The following SGMS1 variants were observed in gnomAD, a reference collection of about 807,000 sequenced individuals.
SGMS1 encodes the protein sphingomyelin synthase 1, also known as phosphatidylcholine:ceramide cholinephosphotransferase 1.
A neutral mutation model predicts 46.2 loss-of-function variants in SGMS1; 13 were observed. That is an observed-to-expected ratio of 0.28 (90% CI 0.18 to 0.45). The LOEUF (loss-of-function observed/expected upper bound fraction) is 0.45. SGMS1 is among the 20% of genes least tolerant of loss of function. The pLI is 1.00. For missense variants in SGMS1, 324 were observed against 519.9 expected, an observed-to-expected ratio of 0.62 and a Z score of 3.66; for synonymous variants, 203 against 187.8, an observed-to-expected ratio of 1.08 and a Z score of -0.66.
chr10:50,531,342 A>G lies in SGMS1; in HGVS notation c.-588-11421T>C, dbSNP rs1285210672. Among the ~76,000 whole-genome samples, 7 of 150,792 alleles carry G rather than the reference A, an allele frequency of 4.6e-5. No homozygotes were observed. In the East Asian group the frequency reaches 7.8e-4, roughly 17 times the overall value. On this transcript the variant is annotated intron_variant, in intron 2 of 10. Coordinates refer to ENST00000361781, the MANE Select transcript of SGMS1 (RefSeq NM_147156.4). ...TTCCTTAATAGTAAAAAGCTATTCT[A>G]TCTGTTCGAGGAAGTGCCATACATG... is the stretch of plus-strand genomic sequence containing the variant.
intron 6 of SGMS1, among the ~76,000 whole-genome samples, chr10:50,411,965 A>G (rs777392776): frequency 2.0e-5 from 3 of 152,240 alleles, no homozygotes; most frequent in Admixed American, 2.0e-4. Flanking sequence ...AGTCTATGTT[A>G]GTAATTTCTG....
intron 6 of SGMS1, among the ~76,000 whole-genome samples, chr10:50,400,448 T>TAC (rs1241284652): frequency 5.7e-5 from 6 of 106,180 alleles, no homozygotes; most frequent in South Asian, 3.4e-4. Context: ...TATATATATA[T>TAC]ATATAGCTAT....
intron 6 of SGMS1, among the ~76,000 whole-genome samples, chr10:50,386,323 C>A (rs1848681457): frequency 1.3e-5 from 2 of 152,122 alleles, no homozygotes; most frequent in Non-Finnish European, 2.9e-5. Flanking sequence ...TACTGCACTG[C>A]AGGATGGAAT....
chr10:50,620,005 G>T (rs1285425782), intron 1 of SGMS1, among the ~76,000 whole-genome samples: 1 of 152,240 alleles, frequency 6.6e-6, no homozygotes, highest in Non-Finnish European at 1.5e-5. Context: ...TATCTGTGGA[G>T]ATGGAGGACT....
chr10:50,546,028 C>A lies in SGMS1; in HGVS notation c.-588-26107G>T, dbSNP rs1838097916. Reference sequence around the variant, plus strand: ...AAAGAAGCCTGGAACCACAGGCCAGCTTTAGATAACAGGGAAGTCTAAATA... The same window carrying A: ...AAAGAAGCCTGGAACCACAGGCCAGATTTAGATAACAGGGAAGTCTAAATA... On this transcript the variant is annotated intron_variant, in intron 2 of 10. Transcript: ENST00000361781. 2.6e-5 allele frequency among the ~76,000 whole-genome samples: 4 copies of A among 152,188 alleles called. No individual in the cohort carries two copies. The South Asian group carries it at 8.3e-4, about 31-fold the overall frequency.
intron 5 of SGMS1, among the ~76,000 whole-genome samples, chr10:50,445,150 A>G (rs1394576661): frequency 1.3e-5 from 2 of 152,232 alleles, no homozygotes; most frequent in East Asian, 1.9e-4. Flanking sequence ...ACAGGAATCT[A>G]CAAGATACCA....
rs113101457 is a variant in SGMS1, at chr10:50,580,424, A to ACCC, written c.-589+9726_-589+9728dup. Among the ~76,000 whole-genome samples, 424 of 148,046 alleles carry ACCC rather than the reference A, an allele frequency of 2.9e-3. 2 individuals are homozygous for ACCC. Among genetic ancestry groups the ACCC allele is most frequent in the South Asian group, 0.01 (47 of 4,616 alleles). ...TAACATTTACCACAGCAAGTTAGGG[A>ACCC]CCCCCCCCCAAACCCCTCAACCCTC... On this transcript the variant is annotated intron_variant, in intron 2 of 10. Transcript: ENST00000361781.
intron 6 of SGMS1, among the ~76,000 whole-genome samples, chr10:50,425,924 T>C (rs1456173541): frequency 1.3e-5 from 2 of 152,190 alleles, no homozygotes; most frequent in African/African-American, 4.8e-5. Context: ...CCTTTAATTA[T>C]ATCTGGAAAT....
intron 7 of SGMS1, among the ~76,000 whole-genome samples, chr10:50,333,145 A>G (rs1847654751): frequency 6.6e-6 from 1 of 152,162 alleles, no homozygotes; most frequent in African/African-American, 2.4e-5. Context: ...TGGAATCACC[A>G]TTACCAACAA....
intron 1 of SGMS1, among the ~76,000 whole-genome samples, chr10:50,619,171 G>A (rs1055557243): frequency 6.6e-6 from 1 of 152,064 alleles, no homozygotes; most frequent in African/African-American, 2.4e-5. Flanking sequence ...CATACAGGAT[G>A]TTTGCTAGTG....
intron 5 of SGMS1, among the ~76,000 whole-genome samples, chr10:50,442,005 A>C (rs762685852): frequency 1.3e-5 from 2 of 152,164 alleles, no homozygotes; most frequent in African/African-American, 4.8e-5. Flanking sequence ...AATGTTTCTC[A>C]TTTCAAAAAT....
chr10:50,463,187 G>A (rs568680376), intron 4 of SGMS1, among the ~76,000 whole-genome samples: 2 of 152,064 alleles, frequency 1.3e-5, no homozygotes, highest in South Asian at 4.2e-4. Flanking sequence ...ATAAGCAAAT[G>A]GGACTACATC....
At chr10:50,500,102 A>T (rs7079881) in intron 3 of SGMS1, among the ~76,000 whole-genome samples, 3 of 152,018 alleles carry the variant, frequency 2.0e-5, no homozygotes, top group Non-Finnish European at 4.4e-5. Flanking sequence ...CGGGAGGTGG[A>T]GGTTGCAGTG....
chr10:50,396,074 T>A (rs1462518033), intron 6 of SGMS1, among the ~76,000 whole-genome samples: 2 of 152,190 alleles, frequency 1.3e-5, no homozygotes, highest in African/African-American at 4.8e-5. Flanking sequence ...GACCCTCCAG[T>A]GCATTTCCTC....
chr10:50,540,907 T>C (rs1219424196), intron 2 of SGMS1, among the ~76,000 whole-genome samples: 1 of 152,138 alleles, frequency 6.6e-6, no homozygotes, highest in African/African-American at 2.4e-5. Flanking sequence ...TGAGTATGAA[T>C]AGCAACTGCA....
intron 6 of SGMS1, among the ~76,000 whole-genome samples, chr10:50,371,761 G>A (rs1564892673): frequency 2.0e-5 from 3 of 152,258 alleles, no homozygotes; most frequent in East Asian, 3.9e-4. Context: ...TAACAGAATT[G>A]AAGGCTAGGA....
chr10:50,344,082 C>T lies in SGMS1; in HGVS notation c.33G>A (p.Lys11=). 6.2e-7 allele frequency: 1 copy of T among 1,612,876 alleles called. No homozygotes were observed. Among genetic ancestry groups the T allele is most frequent in the Non-Finnish European group, 8.5e-7 (1 of 1,179,414 alleles). The change falls in exon 7 of 11, where the codon AAG becomes AAA. Residue 11 remains lysine (K), a synonymous_variant. Transcript: ENST00000361781. The part of the protein sequence containing the change: MKEVVYWSPK[K]VADWLLENAM... Reference sequence around the variant, plus strand: ...CATTCTCCAGCAGCCAGTCTGCCACCTTCTTGGGTGACCAATAAACCACTT... The same window carrying T: ...CATTCTCCAGCAGCCAGTCTGCCACTTTCTTGGGTGACCAATAAACCACTT...
At chr10:50,624,010 A>C (rs962835132), upstream of SGMS1, 195 of 984,682 alleles carry the variant, frequency 2.0e-4, 1 homozygote, top group Middle Eastern at 5.2e-4. Context: ...GCGCGACGCG[A>C]CTCCGCTCCT....
chr10:50,388,477 A>T (rs1019687359), intron 6 of SGMS1, among the ~76,000 whole-genome samples: 4 of 150,996 alleles, frequency 2.6e-5, no homozygotes, highest in Non-Finnish European at 4.4e-5. Flanking sequence ...CTACTAAAAA[A>T]AAAAAAAAAA....
Sources: allele counts gnomAD v4.1 joint callset (sites outside exome capture counted in the v4.1 genomes callset), GRCh38; gene constraint gnomAD v4.1.1; transcripts MANE v1.5; gene names NCBI Gene and HGNC (gene_info 2026-07-23, HGNC 2026-07-21).